Variants in SVIL observed in about 807,000 individuals in gnomAD.
The protein encoded by SVIL is archvillin.
SVIL carries 101 observed loss-of-function variants against 240.4 expected under a neutral mutation model. The observed-to-expected ratio is 0.42, with a 90% CI of 0.36 to 0.50. The LOEUF is 0.50. SVIL is among the 20% of genes least tolerant of loss of function. The pLI, the probability that SVIL is intolerant of heterozygous loss-of-function variation, is 0.01. For synonymous variants in SVIL, 999 were observed against 1,100.0 expected (o/e 0.91, Z 1.82); for missense variants, 2,512 against 2,818.7 (o/e 0.89, Z 2.46).
At chr10:29,673,742 G>T (rs555444851) in intron 2 of SVIL, among the ~76,000 whole-genome samples, 1 of 152,216 alleles carries the variant, frequency 6.6e-6, no homozygotes, top group East Asian at 1.9e-4. Flanking sequence ...TCCCTCCCTC[G>T]ATGTGTGGGG....
At chr10:29,583,150 C>T (rs1232736370) in intron 1 of SVIL, among the ~76,000 whole-genome samples, 4 of 152,144 alleles carry the variant, frequency 2.6e-5, no homozygotes, top group Non-Finnish European at 5.9e-5. Context: ...AGGAAAGTTT[C>T]AAATAAAGTA....
At chr10:29,471,085 C>A in intron 31 of SVIL, 53 bp downstream of exon 31, 7 of 1,515,578 alleles carry the variant, frequency 4.6e-6, no homozygotes, top group Middle Eastern at 1.7e-4. Context: ...TATAAAAATT[C>A]TTTCCAAGAG....
At chr10:29,564,866 G>A (rs1954835103) in intron 2 of SVIL, among the ~76,000 whole-genome samples, 1 of 152,182 alleles carries the variant, frequency 6.6e-6, no homozygotes, top group Non-Finnish European at 1.5e-5. Flanking sequence ...CAGAAACTTA[G>A]AATTAGCACC....
intron 12 of SVIL, among the ~76,000 whole-genome samples, chr10:29,529,175 C>CAAAAAAAAAAA (rs66523560): frequency 4.5e-5 from 3 of 66,056 alleles, no homozygotes; most frequent in African/African-American, 1.1e-4. Context: ...GACTCTCTCT[C>CAAAAAAAAAAA]AAAAAAAAAA....
chr10:29,567,656 G>A (rs1955079702), intron 2 of SVIL, among the ~76,000 whole-genome samples: 1 of 152,142 alleles, frequency 6.6e-6, no homozygotes, highest in South Asian at 2.1e-4. Flanking sequence ...ATGCCTTCCT[G>A]TCTCTTTTTT....
chr10:29,484,438 C>G lies in SVIL; in HGVS notation c.4955+218G>C, dbSNP rs369957640. On this transcript the variant is annotated intron_variant, in intron 27 of 37. Transcript: ENST00000355867. The surrounding 1 kb of genome is among the most constrained non-coding windows in gnomAD (Gnocchi z 4.7). ...GCTCACTTCAAGAAATCAACTATAA[C>G]AAACCTCTTCCAGAAGACTACGACA... 6.6e-6 allele frequency among the ~76,000 whole-genome samples: 1 copy of G among 152,226 alleles called. No individual in the cohort carries two copies. The highest frequency in any genetic ancestry group is 1.5e-5 in the Non-Finnish European group (1 of 68,040).
chr10:29,662,975 T>C (rs1473620077), intron 2 of SVIL, among the ~76,000 whole-genome samples: 2 of 152,162 alleles, frequency 1.3e-5, no homozygotes, highest in Non-Finnish European at 2.9e-5. Flanking sequence ...TAACTGGGTG[T>C]GGTGGCATGC....
chr10:29,680,291 G>A (rs1428233466), intron 2 of SVIL, among the ~76,000 whole-genome samples: 1 of 152,168 alleles, frequency 6.6e-6, no homozygotes, highest in Non-Finnish European at 1.5e-5. Flanking sequence ...CACCAGTGGA[G>A]GTGCATATGA....
intron 1 of SVIL, among the ~76,000 whole-genome samples, chr10:29,604,811 C>G (rs1303761526): frequency 6.6e-6 from 1 of 152,094 alleles, no homozygotes; most frequent in Non-Finnish European, 1.5e-5. Context: ...TTAAACGATC[C>G]TCCCACCTGG....
At chr10:29,523,341 C>G (rs1336633333) in intron 15 of SVIL, 110 bp downstream of exon 15, 1 of 978,704 alleles carries the variant, frequency 1.0e-6, no homozygotes, top group Non-Finnish European at 1.5e-6. Flanking sequence ...CCAATACTAG[C>G]TGTAAACTGC....
At chr10:29,480,953 T>G in intron 28 of SVIL, 140 bp from the exon 29 acceptor site, 1 of 1,055,316 alleles carries the variant, frequency 9.5e-7, no homozygotes, top group East Asian at 2.4e-5. Flanking sequence ...TTAACTGCAG[T>G]CAGGGAAAGG....
At chr10:29,711,407 A>C (rs1422882500) in intron 1 of SVIL, among the ~76,000 whole-genome samples, 1 of 148,318 alleles carries the variant, frequency 6.7e-6, no homozygotes, top group African/African-American at 2.6e-5. Flanking sequence ...CTCAATAAAT[A>C]AATAAACCTC....
chr10:29,630,029 TA>T (rs1480413313), intron 1 of SVIL, among the ~76,000 whole-genome samples: 3 of 128,330 alleles, frequency 2.3e-5, no homozygotes, highest in African/African-American at 7.7e-5. Flanking sequence ...AGTGTGGCAT[TA>T]AGTCTGGCAC....
In SVIL at chr10:29,684,558, T is replaced by G. The variant is rs146937176; in HGVS notation, c.-301+1995A>C. Among the ~76,000 whole-genome samples, 23 of 152,116 alleles carry G rather than the reference T, an allele frequency of 1.5e-4. No individual in the cohort carries two copies. In the East Asian group the frequency reaches 4.4e-3, roughly 29 times the overall value. On this transcript the variant is annotated intron_variant, in intron 2 of 35. Transcript: ENST00000375400. ...GAATAAACAGAAAGGAGAGGAGTGT[T>G]TGGGTTAATATGGGGGTTGTGGAGG...
At position 29,554,969 on chromosome 10, in the gene SVIL, C is replaced by T. The variant is rs751953277; in HGVS notation, c.9-35G>A. On this transcript the variant is annotated intron_variant, in intron 4 of 37. Coordinates refer to ENST00000355867, the MANE Select transcript of SVIL (RefSeq NM_021738.3). ...ACACCACAAGAGGCAGAGTGAGCAA[C>T]AGCGATCGAATCTAAAGGAAAATGG... is the stretch of plus-strand genomic sequence containing the variant. 2.5e-6 allele frequency: 4 copies of T among 1,609,470 alleles called. No homozygotes were observed. In the African/African-American group the frequency reaches 4.0e-5, roughly 16 times the overall value.
chr10:29,661,939 C>G (rs1243777382), intron 2 of SVIL, among the ~76,000 whole-genome samples: 1 of 152,080 alleles, frequency 6.6e-6, no homozygotes. Flanking sequence ...GCTGAGGTTA[C>G]AGGAGTGAGC....
Position 29,550,885 on chromosome 10 carries a change from C to T in SVIL, c.539G>A (p.Gly180Asp). The change falls in exon 6 of 38, where the codon GGT becomes GAT. Residue 180 changes from glycine (G) to aspartate (D), a missense_variant. By Grantham distance (94) the Gly-to-Asp change is moderately conservative. Transcript: ENST00000355867. ...TETMGLRTCA[G>D]ESKDYALHVG... Reference sequence around the variant, plus strand: ...ATGGAGGGCATAGTCCTTGGATTCACCGGCACAGGTCCTGAGCCCCATCGT... The same window carrying T: ...ATGGAGGGCATAGTCCTTGGATTCATCGGCACAGGTCCTGAGCCCCATCGT... The T allele has an allele frequency of 6.2e-7, 1 of 1,614,000 alleles. No homozygotes were observed. The highest frequency in any genetic ancestry group is 8.5e-7 in the Non-Finnish European group (1 of 1,179,976).
At chr10:29,583,177 G>A (rs565571589) in intron 1 of SVIL, among the ~76,000 whole-genome samples, 84 of 152,270 alleles carry the variant, frequency 5.5e-4, no homozygotes, top group African/African-American at 1.8e-3. Flanking sequence ...GGCTCTCCTT[G>A]TTCTCAGAAG....
At chr10:29,653,252 TGTGATG>T (rs1958898549) in intron 3 of SVIL, among the ~76,000 whole-genome samples, 1 of 152,172 alleles carries the variant, frequency 6.6e-6, no homozygotes, top group African/African-American at 2.4e-5. Flanking sequence ...TTGCTGTTCT[TGTGATG>T]GTGAGTTCTC....
Sources: allele counts gnomAD v4.1 joint callset (sites outside exome capture counted in the v4.1 genomes callset), GRCh38; gene constraint gnomAD v4.1.1; non-coding constraint Gnocchi (gnomAD v3.1); transcripts MANE v1.5; gene names NCBI Gene and HGNC (gene_info 2026-07-23, HGNC 2026-07-21).